Variants in VPS13B observed in about 807,000 individuals in gnomAD.
VPS13B encodes the protein intermembrane lipid transfer protein VPS13B.
A neutral mutation model predicts 426.4 loss-of-function variants in VPS13B; 285 were observed. The ratio of observed to expected loss-of-function variants is 0.67; its 90% CI spans 0.61 to 0.74. VPS13B has a LOEUF of 0.74. Ranked by LOEUF, VPS13B falls within the 30% of genes least tolerant of loss-of-function variation. VPS13B has a pLI of 0.00. For synonymous variants in VPS13B, 1,676 were observed against 1,676.4 expected (o/e 1.00, Z 0.01); for missense variants, 4,537 against 4,782.6 (o/e 0.95, Z 1.51).
chr8:99,649,143 A>G (rs1027607824), intron 34 of VPS13B, among the ~76,000 whole-genome samples: 4 of 151,926 alleles, frequency 2.6e-5, no homozygotes, highest in Non-Finnish European at 5.9e-5. Context: ...TGTTTTCAAG[A>G]CACCTGCTTA....
intron 36 of VPS13B, among the ~76,000 whole-genome samples, chr8:99,703,828 G>A (rs764525787): frequency 1.3e-5 from 2 of 152,030 alleles, no homozygotes; most frequent in Non-Finnish European, 2.9e-5. Flanking sequence ...TGTTTGGGCG[G>A]CACTCCTTAG....
chr8:99,668,579 A>G (rs192462633), intron 35 of VPS13B, among the ~76,000 whole-genome samples: 6 of 152,126 alleles, frequency 3.9e-5, no homozygotes, highest in East Asian at 1.9e-4. Context: ...GTATTCCCCT[A>G]TTTCTTCTGT....
chr8:99,790,066 C>T (rs934207514), intron 43 of VPS13B, among the ~76,000 whole-genome samples: 2 of 152,114 alleles, frequency 1.3e-5, no homozygotes, highest in African/African-American at 4.8e-5. Context: ...TTCTTAGGAA[C>T]AGCACCAAGT....
At chr8:99,660,842 A>G (rs1327415875) in intron 34 of VPS13B, among the ~76,000 whole-genome samples, 1 of 152,158 alleles carries the variant, frequency 6.6e-6, no homozygotes, top group Non-Finnish European at 1.5e-5. Context: ...AGAAGGTTGC[A>G]GGAAAGCTAC....
intron 31 of VPS13B, among the ~76,000 whole-genome samples, chr8:99,564,544 A>G (rs552612744): frequency 1.9e-4 from 29 of 152,350 alleles, no homozygotes; most frequent in South Asian, 6.2e-4. Context: ...AGAGTCAGGA[A>G]GAAGAAGTGA....
chr8:99,816,598 G>A (rs1420516712), intron 44 of VPS13B, among the ~76,000 whole-genome samples: 1 of 152,028 alleles, frequency 6.6e-6, no homozygotes, highest in East Asian at 1.9e-4. Flanking sequence ...TTGAGCTCAG[G>A]AGTTTGAGAC....
At chr8:99,717,434 G>T in intron 37 of VPS13B, 61 bp downstream of exon 37, 1 of 1,437,448 alleles carries the variant, frequency 7.0e-7, no homozygotes, top group South Asian at 1.2e-5. Context: ...TTCATTTTTT[G>T]AACTGTTTCA....
At position 99,156,742 on chromosome 8, in the gene VPS13B, A is replaced by T; in HGVS notation, c.2207A>T (p.Lys736Met). 1.9e-6 allele frequency: 3 copies of T among 1,613,906 alleles called. No homozygotes were observed. The highest frequency in any genetic ancestry group is 2.5e-6 in the Non-Finnish European group (3 of 1,179,866). ...LHYCYVHCYL[K>M]IFGFQAGLTS... ...TATTGTTATGTACACTGCTATCTTA[A>T]GGTATGAAAAGTGAATTTTCTTGTT... The change falls in exon 15 of 62, where the codon AAG (lysine) becomes ATG (methionine). Residue 736 changes from lysine to methionine, a missense_variant and splice_region_variant. Coordinates refer to ENST00000357162, the MANE Select transcript of VPS13B (RefSeq NM_152564.5).
intron 19 of VPS13B, among the ~76,000 whole-genome samples, chr8:99,380,257 C>T (rs956262783): frequency 2.0e-5 from 3 of 151,958 alleles, no homozygotes; most frequent in Non-Finnish European, 4.4e-5. Flanking sequence ...TATTTTTATA[C>T]CTTTATTCTG....
chr8:99,353,691 G>C (rs894471389), intron 19 of VPS13B, among the ~76,000 whole-genome samples: 2 of 151,416 alleles, frequency 1.3e-5, no homozygotes, highest in Non-Finnish European at 2.9e-5. Flanking sequence ...TGCATTCCTG[G>C]ATCTGCTTAT....
At chr8:99,647,908 A>G (rs780677309) in intron 34 of VPS13B, among the ~76,000 whole-genome samples, 4 of 152,190 alleles carry the variant, frequency 2.6e-5, no homozygotes, top group Non-Finnish European at 5.9e-5. Context: ...GTTTAATTTG[A>G]CATATTCAGG....
intron 56 of VPS13B, among the ~76,000 whole-genome samples, chr8:99,854,617 C>CT (rs201074788): frequency 0.012 from 1,817 of 152,148 alleles, 35 homozygotes; most frequent in African/African-American, 0.041. Flanking sequence ...TTAGCACACA[C>CT]TTTTTTTTAG....
At chr8:99,809,294 T>C (rs1813576855) in intron 43 of VPS13B, 81 bp from the exon 44 acceptor site, 3 of 1,574,094 alleles carry the variant, frequency 1.9e-6, no homozygotes, top group Non-Finnish European at 2.6e-6. Context: ...GGAAAGGTTT[T>C]CCAGCAATGA....
chr8:99,156,535 CTATTATTTTCTA>C lies in VPS13B; in HGVS notation c.2014-13_2014-2del. On this transcript the variant is annotated splice_acceptor_variant and splice_polypyrimidine_tract_variant and intron_variant, in intron 14 of 61. Transcript: ENST00000357162. LOFTEE classifies it high-confidence loss of function. Reference sequence around the variant, plus strand: ...CCACTTTTAAAATATAAAGCGAACACTATTATTTTCTAGAACTCAAGTAACTTCATGAATACT... The same window carrying C: ...CCACTTTTAAAATATAAAGCGAACACGAACTCAAGTAACTTCATGAATACT... 1 of 1,613,374 alleles carries C rather than the reference CTATTATTTTCTA, an allele frequency of 6.2e-7. No homozygotes were observed. The highest frequency in any genetic ancestry group is 8.5e-7 in the Non-Finnish European group (1 of 1,179,560).
chr8:99,663,179 T>C (rs986429566), intron 35 of VPS13B, among the ~76,000 whole-genome samples: 1 of 152,206 alleles, frequency 6.6e-6, no homozygotes, highest in Non-Finnish European at 1.5e-5. Context: ...GTTGAGTACA[T>C]GTGTTGTGGC....
chr8:99,813,448 A>C (rs1365733837), intron 44 of VPS13B, among the ~76,000 whole-genome samples: 1 of 152,228 alleles, frequency 6.6e-6, no homozygotes, highest in African/African-American at 2.4e-5. Context: ...CAAGAATAAC[A>C]GAGTTAAATA....
At chr8:99,113,139 C>A (rs1847460792) in intron 6 of VPS13B, among the ~76,000 whole-genome samples, 1 of 148,642 alleles carries the variant, frequency 6.7e-6, no homozygotes, top group Admixed American at 6.7e-5. Flanking sequence ...CTCCCTGTCA[C>A]CCAGGCTGGA....
chr8:99,766,968 A>G lies in VPS13B; in HGVS notation c.7245A>G (p.Gln2415=), dbSNP rs781046978. The change falls in exon 40 of 62, where the codon CAA becomes CAG. Residue 2415 remains glutamine (Q), a splice_region_variant and synonymous_variant. Transcript: ENST00000357162. ...GCAGTCAAAATGGAGCTGATGACCA[A>G]AGGTAATTCATTGAAAGATGATATG... ...LNSSQNGADD[Q]SSASESGSQS... 2.1e-5 allele frequency: 34 copies of G among 1,613,438 alleles called. No individual in the cohort carries two copies. In the South Asian group the frequency reaches 3.4e-4, roughly 16 times the overall value.
intron 39 of VPS13B, among the ~76,000 whole-genome samples, chr8:99,730,138 T>C (rs1833532327): frequency 6.6e-6 from 1 of 152,244 alleles, no homozygotes; most frequent in Non-Finnish European, 1.5e-5. Context: ...TGAGCCTTTT[T>C]ATAAGCACCT....
Sources: gnomAD v4.1 joint callset for allele counts (sites outside exome capture counted in the v4.1 genomes callset) on GRCh38, gnomAD v4.1.1 for gene constraint, MANE v1.5 for transcripts, NCBI Gene and HGNC (gene_info 2026-07-23, HGNC 2026-07-21) for gene names.